Variants in PDZD2 observed in about 807,000 individuals in gnomAD.
PDZD2 encodes PDZ domain containing 2.
Under a neutral mutation model 220.7 loss-of-function variants are expected in PDZD2, and 90 were observed. That is an observed-to-expected ratio of 0.41 (90% CI 0.34 to 0.49). The LOEUF (loss-of-function observed/expected upper bound fraction) is 0.49, where lower values mean the gene tolerates loss of function less well. Among genes scored for constraint, PDZD2 ranks in the 20% least tolerant of loss-of-function variants. The pLI, the probability that PDZD2 is intolerant of heterozygous loss-of-function variation, is 0.28. For synonymous variants in PDZD2, 1,375 were observed against 1,450.5 expected (o/e 0.95, Z 1.18); for missense variants, 3,174 against 3,608.5 (o/e 0.88, Z 3.08).
At chr5:31,826,691 A>G (rs139488899) in intron 2 of PDZD2, among the ~76,000 whole-genome samples, 110 of 151,804 alleles carry the variant, frequency 7.2e-4, no homozygotes, top group African/African-American at 2.5e-3. Flanking sequence ...AAAAAAAAAG[A>G]TATATGAAAC....
At chr5:32,002,883 C>CA (rs1752336237) in intron 5 of PDZD2, among the ~76,000 whole-genome samples, 2 of 24,036 alleles carry the variant, frequency 8.3e-5, no homozygotes, top group Admixed American at 4.6e-4. Flanking sequence ...CACACACACA[C>CA]CACACACACC....
chr5:31,991,588 T>A (rs1751211376), intron 3 of PDZD2, among the ~76,000 whole-genome samples: 1 of 152,192 alleles, frequency 6.6e-6, no homozygotes, highest in South Asian at 2.1e-4. Context: ...CCAAGTGGAA[T>A]TGTTAAGGAG....
chr5:32,088,757 C>A lies in PDZD2; in HGVS notation c.5309C>A (p.Ser1770Tyr). Residue 1770 changes from serine to tyrosine, a missense_variant, in exon 20 of 25, where the codon TCT (serine) becomes TAT (tyrosine). Around this residue, in one of 4 missense-constraint regions of PDZD2, gnomAD observed 1,861 missense variants for 2,001.0 expected, o/e 0.93. Coordinates refer to ENST00000438447, the MANE Select transcript of PDZD2 (RefSeq NM_178140.4). The surrounding 1 kb of genome is among the most constrained non-coding windows in gnomAD (Gnocchi z 4.6). ...FSVDVPKNGE[S>Y]VLENLHISES... The stretch of plus-strand genomic sequence containing the variant: ...GTGGATGTCCCTAAGAATGGAGAAT[C>A]TGTTTTGGAAAACCTCCACATCTCT... 1 of 1,614,066 alleles carries A rather than the reference C, an allele frequency of 6.2e-7. No individual in the cohort carries two copies. Among genetic ancestry groups the A allele is most frequent in the Non-Finnish European group, 8.5e-7 (1 of 1,179,940 alleles).
intron 1 of PDZD2, among the ~76,000 whole-genome samples, chr5:31,677,109 A>C (rs542908463): frequency 6.6e-6 from 1 of 152,142 alleles, no homozygotes; most frequent in African/African-American, 2.4e-5. Context: ...AACCAAAATG[A>C]AAAGTGGTTC....
intron 2 of PDZD2, among the ~76,000 whole-genome samples, chr5:31,944,953 T>A (rs2111561624): frequency 6.6e-6 from 1 of 152,380 alleles, no homozygotes; most frequent in East Asian, 1.9e-4. Context: ...CATACATGTG[T>A]GCGGACCAGA....
intron 2 of PDZD2, among the ~76,000 whole-genome samples, chr5:31,940,109 T>G (rs1316508938): frequency 1.3e-5 from 2 of 152,186 alleles, no homozygotes; most frequent in Admixed American, 1.3e-4. Flanking sequence ...TTCTTCACAT[T>G]ACCTACGGTG....
At chr5:31,991,072 A>G (rs867738248) in intron 3 of PDZD2, among the ~76,000 whole-genome samples, 6 of 152,182 alleles carry the variant, frequency 3.9e-5, no homozygotes, top group South Asian at 2.1e-4. Context: ...GCACCAGGAG[A>G]TGATTCAGGA....
In PDZD2 at chr5:32,110,643, G is replaced by C. The variant is rs753823733; in HGVS notation, c.*2508G>C. Reference sequence around the variant, plus strand: ...GTGTTATAACAAGTAAACCGTAGTTGCAAGAATATACCATGAAGATTAAAG... The same window carrying C: ...GTGTTATAACAAGTAAACCGTAGTTCCAAGAATATACCATGAAGATTAAAG... On this transcript the variant is annotated 3_prime_UTR_variant, in exon 25 of 25. Coordinates refer to ENST00000438447, the MANE Select transcript of PDZD2 (RefSeq NM_178140.4). 1 of 152,532 alleles carries C rather than the reference G, an allele frequency of 6.6e-6. No individual in the cohort carries two copies. Among genetic ancestry groups the C allele is most frequent in the Non-Finnish European group, 1.5e-5 (1 of 68,022 alleles). The allele number at this position is 152,532 out of a possible 1,614,324, so 9.4% of individuals were successfully genotyped here. A position where few individuals can be genotyped will look rare whatever the true frequency, so the allele number is the denominator to read the frequency against.
At chr5:31,647,558 C>T (rs1745180575) in intron 1 of PDZD2, among the ~76,000 whole-genome samples, 1 of 152,188 alleles carries the variant, frequency 6.6e-6, no homozygotes, top group African/African-American at 2.4e-5. Flanking sequence ...TCAGCCCAGT[C>T]TATGCCTTTG....
At chr5:32,072,727 A>G (rs1172802380) in intron 17 of PDZD2, among the ~76,000 whole-genome samples, 1 of 152,218 alleles carries the variant, frequency 6.6e-6, no homozygotes, top group Non-Finnish European at 1.5e-5. Flanking sequence ...TTACTCTTGG[A>G]AAATGCAGCC....
intron 8 of PDZD2, among the ~76,000 whole-genome samples, chr5:32,049,270 C>T (rs906950517): frequency 3.3e-5 from 5 of 152,216 alleles, no homozygotes; most frequent in South Asian, 4.1e-4. Flanking sequence ...CATCCTCAAC[C>T]TGGTAGAAAC....
At chr5:31,908,852 C>G (rs1742927602) in intron 2 of PDZD2, 2 of 522,822 alleles carry the variant, frequency 3.8e-6, no homozygotes, top group South Asian at 3.4e-5. Context: ...TGAGACCAGC[C>G]TTGGCAACAT....
At chr5:31,932,441 C>T (rs1238550805) in intron 2 of PDZD2, among the ~76,000 whole-genome samples, 1 of 151,848 alleles carries the variant, frequency 6.6e-6, no homozygotes, top group Admixed American at 6.6e-5. Context: ...CCCAGGTACC[C>T]GGGAGGCTGA....
At chr5:32,092,639 G>A (rs1743270425) in intron 20 of PDZD2, among the ~76,000 whole-genome samples, 1 of 152,176 alleles carries the variant, frequency 6.6e-6, no homozygotes, top group African/African-American at 2.4e-5. Context: ...GAAGTGTCCT[G>A]TTAAGCTCCA....
intron 1 of PDZD2, among the ~76,000 whole-genome samples, chr5:31,689,236 T>C (rs1746996545): frequency 9.1e-6 from 1 of 109,844 alleles, no homozygotes; most frequent in Admixed American, 9.0e-5. Context: ...GCCTGGCTAA[T>C]GTTTGTGTGT....
At position 31,844,638 on chromosome 5, in the gene PDZD2, C is replaced by T. The variant is rs72757926; in HGVS notation, c.476+44914C>T. Among the ~76,000 whole-genome samples, 1,253 of 152,190 alleles carry T rather than the reference C, an allele frequency of 8.2e-3. 8 individuals carry two copies. Among genetic ancestry groups the T allele is most frequent in the Non-Finnish European group, 0.014 (923 of 68,010 alleles). ...ATCTGTGATTCAAATTTAACTGGGT[C>T]GCCTATATTTTATCTGGCAGTGTTA... On this transcript the variant is annotated intron_variant, in intron 2 of 24. Coordinates refer to ENST00000438447, the MANE Select transcript of PDZD2 (RefSeq NM_178140.4).
At chr5:31,927,689 G>A (rs1281158560) in intron 2 of PDZD2, among the ~76,000 whole-genome samples, 1 of 151,996 alleles carries the variant, frequency 6.6e-6, no homozygotes, top group Admixed American at 6.6e-5. Flanking sequence ...CTGGCCTCCT[G>A]CTACTTTGAA....
At chr5:31,815,058 C>T (rs893767695) in intron 2 of PDZD2, among the ~76,000 whole-genome samples, 1 of 151,704 alleles carries the variant, frequency 6.6e-6, no homozygotes, top group African/African-American at 2.4e-5. Flanking sequence ...GCCTGGCCAA[C>T]ATGATGAAAC....
At chr5:31,830,266 C>T (rs1182236734) in intron 2 of PDZD2, among the ~76,000 whole-genome samples, 2 of 150,554 alleles carry the variant, frequency 1.3e-5, no homozygotes, top group African/African-American at 2.4e-5. Context: ...CCCGGGTTCA[C>T]GCCATTCTCC....
Sources: gnomAD v4.1 joint callset for allele counts (sites outside exome capture counted in the v4.1 genomes callset) on GRCh38, gnomAD v4.1.1 for gene constraint, gnomAD v4.1.1 regional missense constraint, Gnocchi (gnomAD v3.1) non-coding constraint, MANE v1.5 for transcripts, NCBI Gene and HGNC (gene_info 2026-07-23, HGNC 2026-07-21) for gene names.